PDE3B: variants seen among roughly 807,000 people sequenced by gnomAD.
PDE3B encodes the protein cGMP-inhibited 3',5'-cyclic phosphodiesterase 3B.
PDE3B carries 66 observed loss-of-function variants against 116.8 expected under a neutral mutation model. The observed-to-expected ratio is 0.56, with a 90% CI of 0.46 to 0.69. PDE3B has a LOEUF of 0.69. Among genes scored for constraint, PDE3B ranks in the 30% least tolerant of loss-of-function variants. The pLI is 0.00. For synonymous variants in PDE3B, 595 were observed against 533.6 expected (o/e 1.12, Z -1.59); for missense variants, 1,384 against 1,368.1 (o/e 1.01, Z -0.18).
intron 2 of PDE3B, chr11:14,776,305 G>A (rs536851581): frequency 1.3e-5 from 2 of 152,384 alleles, no homozygotes; most frequent in Admixed American, 1.3e-4. Flanking sequence ...TCCTGGGCAT[G>A]AGACTCCCCT....
chr11:14,845,922 A>G (rs1201919273), intron 12 of PDE3B, among the ~76,000 whole-genome samples: 5 of 152,236 alleles, frequency 3.3e-5, no homozygotes, highest in Admixed American at 3.3e-4. Flanking sequence ...TCTGTAGGAT[A>G]TTATCCAGGA....
At chr11:14,673,208 T>C (rs1243850022) in intron 1 of PDE3B, among the ~76,000 whole-genome samples, 2 of 151,908 alleles carry the variant, frequency 1.3e-5, no homozygotes, top group Non-Finnish European at 2.9e-5. Context: ...TTCAGTTATA[T>C]ACACTGAATT....
At chr11:14,737,617 CA>C (rs1856638704) in intron 1 of PDE3B, among the ~76,000 whole-genome samples, 1 of 151,930 alleles carries the variant, frequency 6.6e-6, no homozygotes, top group African/African-American at 2.4e-5. Flanking sequence ...TAAAATTAAC[CA>C]TTTTTTTTAT....
chr11:14,770,642 TA>T (rs1857613462), intron 1 of PDE3B, among the ~76,000 whole-genome samples: 1 of 151,608 alleles, frequency 6.6e-6, no homozygotes, highest in South Asian at 2.1e-4. Flanking sequence ...GAGTCTGTTA[TA>T]TATATGGTAT....
intron 1 of PDE3B, among the ~76,000 whole-genome samples, chr11:14,724,104 A>T (rs1856207897): frequency 6.6e-6 from 1 of 151,544 alleles, no homozygotes; most frequent in Non-Finnish European, 1.5e-5. Flanking sequence ...AACAAAAAAG[A>T]TGGACTAAGG....
the PDE3B span, chr11:14,886,925 T>C: frequency 2.0e-5 from 3 of 152,264 alleles, no homozygotes; most frequent in Admixed American, 6.5e-5. Flanking sequence ...AGCTGAGTAA[T>C]GGGGCCACCA....
intron 2 of PDE3B, chr11:14,774,810 T>C (rs987066822): frequency 6.6e-6 from 1 of 152,242 alleles, no homozygotes; most frequent in African/African-American, 2.4e-5. Flanking sequence ...GTCATGTACG[T>C]AAAAGAACTT....
intron 1 of PDE3B, among the ~76,000 whole-genome samples, chr11:14,661,889 A>G (rs1853932210): frequency 6.6e-6 from 1 of 152,172 alleles, no homozygotes; most frequent in Non-Finnish European, 1.5e-5. Context: ...GGCACAGACA[A>G]ACAAAAAGAC....
At position 14,806,820 on chromosome 11, in the gene PDE3B, C is replaced by T. The variant is rs1858943885; in HGVS notation, c.1522+2770C>T. Among the ~76,000 whole-genome samples, 5 of 140,554 alleles carry T rather than the reference C, an allele frequency of 3.6e-5. No individual in the cohort carries two copies. In the Admixed American group the frequency reaches 3.7e-4, roughly 11 times the overall value. The allele number at this position is 140,554 out of a possible 152,430, so 92.2% of individuals were successfully genotyped here. A position where few individuals can be genotyped will look rare whatever the true frequency, so the allele number is the denominator to read the frequency against. ...CTTGCAGTGAGCCGAGATCCCACCA[C>T]TGCACTCCAGCCTGGGCGACAGAGT... is the stretch of plus-strand genomic sequence containing the variant. On this transcript the variant is annotated intron_variant, in intron 5 of 15. Transcript: ENST00000282096.
the PDE3B span, among the ~76,000 whole-genome samples, chr11:14,892,420 C>T: frequency 6.6e-6 from 1 of 152,190 alleles, no homozygotes; most frequent in Non-Finnish European, 1.5e-5. Context: ...CCGGTGCTAC[C>T]CTTTGGAGGT....
intron 5 of PDE3B, among the ~76,000 whole-genome samples, chr11:14,808,413 A>T (rs1470253901): frequency 1.3e-5 from 2 of 152,218 alleles, no homozygotes; most frequent in Non-Finnish European, 2.9e-5. Flanking sequence ...GAAATTTTTG[A>T]CATGTACCCA....
intron 1 of PDE3B, among the ~76,000 whole-genome samples, chr11:14,721,117 C>G (rs1452292796): frequency 6.7e-6 from 1 of 149,188 alleles, no homozygotes; most frequent in Non-Finnish European, 1.5e-5. Flanking sequence ...GGGCAAAGGA[C>G]ATGAACAGAC....
At chr11:14,726,637 C>T (rs1163817188) in intron 1 of PDE3B, among the ~76,000 whole-genome samples, 1 of 152,094 alleles carries the variant, frequency 6.6e-6, no homozygotes, top group African/African-American at 2.4e-5. Context: ...AGGAGGAAAA[C>T]CAGGAGAGAC....
chr11:14,819,994 A>G (rs1460527052), intron 7 of PDE3B, among the ~76,000 whole-genome samples: 1 of 152,222 alleles, frequency 6.6e-6, no homozygotes, highest in Non-Finnish European at 1.5e-5. Flanking sequence ...GATAAACTCT[A>G]AAGTGTTGTA....
In PDE3B at chr11:14,818,319, A is replaced by T; in HGVS notation, c.1659A>T (p.Arg553Ser). 1 of 1,613,720 alleles carries T rather than the reference A, an allele frequency of 6.2e-7. No individual in the cohort carries two copies. The highest frequency in any genetic ancestry group is 8.5e-7 in the Non-Finnish European group (1 of 1,179,686). ...ATAAGCCAAGCGTTATCTTGCAGAG[A>T]TCTCTGGGCAATGCACCTAATACTC... ...FLNKPSVILQ[R>S]SLGNAPNTPD... Residue 553 changes from arginine to serine, a missense_variant, in exon 6 of 16, where the codon AGA becomes AGT. By Grantham distance (110) the Arg-to-Ser change is moderately radical. This residue lies in a region of PDE3B where 956 missense variants were observed against 806.8 expected (regional missense o/e 1.18). Transcript: ENST00000282096.
downstream of PDE3B, among the ~76,000 whole-genome samples, chr11:14,873,872 G>A (rs547923324): frequency 1.4e-4 from 21 of 152,116 alleles, no homozygotes; most frequent in South Asian, 3.5e-3. Flanking sequence ...TGGACATCTC[G>A]CCATATCACT....
At chr11:14,812,634 A>C (rs1859181095) in intron 5 of PDE3B, among the ~76,000 whole-genome samples, 2 of 152,246 alleles carry the variant, frequency 1.3e-5, no homozygotes, top group South Asian at 4.1e-4. Flanking sequence ...AAAATGATAA[A>C]AAATCTGAAG....
At chr11:14,757,957 A>G (rs1857242987) in intron 1 of PDE3B, among the ~76,000 whole-genome samples, 1 of 151,320 alleles carries the variant, frequency 6.6e-6, no homozygotes, top group Admixed American at 6.6e-5. Context: ...TAAATCTTTA[A>G]TCCATCTTGA....
intron 1 of PDE3B, among the ~76,000 whole-genome samples, chr11:14,656,410 T>C (rs555955504): frequency 2.0e-5 from 3 of 152,346 alleles, no homozygotes; most frequent in Non-Finnish European, 1.5e-5. Flanking sequence ...TTTATACTTA[T>C]TGTCATTTCT....
Sources: gnomAD v4.1 joint callset for allele counts (sites outside exome capture counted in the v4.1 genomes callset) on GRCh38, gnomAD v4.1.1 for gene constraint, gnomAD v4.1.1 regional missense constraint, MANE v1.5 for transcripts, NCBI Gene and HGNC (gene_info 2026-07-23, HGNC 2026-07-21) for gene names.